The following ATRN variants were observed in gnomAD, a reference collection of about 807,000 sequenced individuals.
ATRN encodes the protein attractin.
ATRN carries 54 observed loss-of-function variants against 178.7 expected under a neutral mutation model. The ratio of observed to expected loss-of-function variants is 0.30; its 90% confidence interval spans 0.24 to 0.38. ATRN has a LOEUF of 0.38. Ranked by LOEUF, ATRN falls within the 10% of genes least tolerant of loss-of-function variation. The probability of loss-of-function intolerance (pLI) is 1.00; values close to 1 mark genes in which losing one functional copy is unlikely to be tolerated. For synonymous variants in ATRN, 636 were observed against 663.0 expected (o/e 0.96, Z 0.63); for missense variants, 1,443 against 1,815.1 (o/e 0.79, Z 3.73).
At chr20:3,472,733 A>G (rs1599986148) in intron 1 of ATRN, among the ~76,000 whole-genome samples, 1 of 152,206 alleles carries the variant, frequency 6.6e-6, no homozygotes, top group African/African-American at 2.4e-5. Context: ...GGCTAGCTGG[A>G]GGGATGCAAG....
chr20:3,629,861 A>G (rs2086976424), intron 25 of ATRN, among the ~76,000 whole-genome samples: 1 of 152,168 alleles, frequency 6.6e-6, no homozygotes, highest in Non-Finnish European at 1.5e-5. Flanking sequence ...CAGCTCTTTC[A>G]TGCCGTCTCT....
rs375290939 is a variant in ATRN, at chr20:3,577,035, A to T, written c.2353+38A>T. The stretch of plus-strand genomic sequence containing the variant: ...GGGTCATCTTGGTGTGTGTGGGTCC[A>T]TTACTTCAGCCTGCTTCCCCCAACA... On this transcript the variant is annotated intron_variant, in intron 14 of 28. Transcript: ENST00000262919. 8 of 1,606,884 alleles carry T rather than the reference A, an allele frequency of 5.0e-6. No individual in the cohort carries two copies. The African/African-American group carries it at 1.1e-4, about 21-fold the overall frequency.
At chr20:3,601,725 G>A (rs955649574) in intron 23 of ATRN, among the ~76,000 whole-genome samples, 31 of 146,504 alleles carry the variant, frequency 2.1e-4, no homozygotes, top group Admixed American at 2.1e-3. Flanking sequence ...AAACCCAGGT[G>A]TAGTGACTCA....
chr20:3,635,875 T>C (rs1316251731), intron 26 of ATRN, among the ~76,000 whole-genome samples: 1 of 152,230 alleles, frequency 6.6e-6, no homozygotes, highest in Non-Finnish European at 1.5e-5. Context: ...GTATTACTGA[T>C]ATACTTTAAA....
chr20:3,478,684 T>TA (rs759662680), intron 1 of ATRN, among the ~76,000 whole-genome samples: 14 of 152,122 alleles, frequency 9.2e-5, no homozygotes, highest in African/African-American at 2.4e-4. Context: ...TAAAGTGTAA[T>TA]AAAAAACAAA....
At chr20:3,502,154 A>G (rs1409492288) in intron 1 of ATRN, among the ~76,000 whole-genome samples, 6 of 152,322 alleles carry the variant, frequency 3.9e-5, no homozygotes, top group Admixed American at 2.6e-4. Context: ...AAATATTTAC[A>G]TAGTTATACA....
At chr20:3,568,820 C>T (rs1451387568) in intron 11 of ATRN, among the ~76,000 whole-genome samples, 1 of 152,182 alleles carries the variant, frequency 6.6e-6, no homozygotes, top group Non-Finnish European at 1.5e-5. Flanking sequence ...CTCAGTAAGG[C>T]TCGTCACAGC....
rs1325279006 is a variant in ATRN, at chr20:3,535,622, CACACAT to C, written c.494+288_494+293del. On this transcript the variant is annotated intron_variant, in intron 2 of 28. Transcript: ENST00000262919. ...ACACACACACACACACACACACACA[CACACAT>C]ATATATTTATTTATTTTTATGGGAC... is the stretch of plus-strand genomic sequence containing the variant. Among the ~76,000 whole-genome samples, 5 of 144,342 alleles carry C rather than the reference CACACAT, an allele frequency of 3.5e-5. No homozygotes were observed. In the East Asian group the frequency reaches 6.1e-4, roughly 18 times the overall value. The allele number at this position is 144,342 out of a possible 152,430, so 94.7% of individuals were successfully genotyped here.
intron 14 of ATRN, among the ~76,000 whole-genome samples, chr20:3,577,375 T>A (rs1441127252): frequency 6.6e-6 from 1 of 152,156 alleles, no homozygotes; most frequent in East Asian, 1.9e-4. Flanking sequence ...CACTGGGATT[T>A]AATTGTTGGC....
chr20:3,566,154 C>A (rs2086032836), intron 11 of ATRN, among the ~76,000 whole-genome samples: 1 of 152,072 alleles, frequency 6.6e-6, no homozygotes, highest in South Asian at 2.1e-4. Context: ...AGAGAGGGCA[C>A]TTCAGATGGG....
At chr20:3,475,350 T>C (rs2084510496) in intron 1 of ATRN, among the ~76,000 whole-genome samples, 1 of 152,208 alleles carries the variant, frequency 6.6e-6, no homozygotes, top group South Asian at 2.1e-4. Context: ...AGCATTTTCA[T>C]GTACATTGTA....
At chr20:3,642,840 G>T (rs1000644363) in intron 27 of ATRN, among the ~76,000 whole-genome samples, 1 of 152,210 alleles carries the variant, frequency 6.6e-6, no homozygotes, top group African/African-American at 2.4e-5. Context: ...TGAAACAAGG[G>T]AGTTGACTTT....
At chr20:3,528,758 T>A (rs2085409588) in intron 1 of ATRN, among the ~76,000 whole-genome samples, 1 of 152,120 alleles carries the variant, frequency 6.6e-6, no homozygotes, top group Non-Finnish European at 1.5e-5. Context: ...ACAAGCACAT[T>A]ACAAAATAAT....
chr20:3,522,557 G>A (rs781455909), intron 1 of ATRN, among the ~76,000 whole-genome samples: 14 of 152,178 alleles, frequency 9.2e-5, no homozygotes, highest in Admixed American at 4.6e-4. Flanking sequence ...CACACCACTC[G>A]AGCTCTGCTA....
At position 3,588,047 on chromosome 20, in the gene ATRN, A is replaced by C. The variant is rs1339599890; in HGVS notation, c.3185-3122A>C. Among the ~76,000 whole-genome samples the C allele has an allele frequency of 2.6e-5, 4 of 152,028 alleles. No individual in the cohort carries two copies. The East Asian group carries it at 7.7e-4, about 29-fold the overall frequency. ...ATTTTTTTAGAGACAGGGTTTCGCC[A>C]TGTTGCCCAGGCTGGTCTTGAACTC... is the stretch of plus-strand genomic sequence containing the variant. On this transcript the variant is annotated intron_variant, in intron 18 of 28. Coordinates refer to ENST00000262919, the MANE Select transcript of ATRN (RefSeq NM_139321.3).
chr20:3,630,317 C>T (rs1259100760), intron 25 of ATRN, among the ~76,000 whole-genome samples: 1 of 152,108 alleles, frequency 6.6e-6, no homozygotes, highest in African/African-American at 2.4e-5. Flanking sequence ...GTCGGTAGCC[C>T]AAGCTTCAGG....
rs933261076 is a variant in ATRN, at chr20:3,638,180, T to C, written c.3943-648T>C. 6.6e-6 allele frequency among the ~76,000 whole-genome samples: 1 copy of C among 152,228 alleles called. No individual in the cohort carries two copies. Among genetic ancestry groups the C allele is most frequent in the Non-Finnish European group, 1.5e-5 (1 of 68,038 alleles). ...GTACAGAACATGTAGATTTGTTACA[T>C]AGGTATACATGTGCCGTGGTGGTTT... On this transcript the variant is annotated intron_variant, in intron 26 of 28. Transcript: ENST00000262919. The surrounding 1 kb of genome is among the most constrained non-coding windows in gnomAD (Gnocchi z 4.5).
In ATRN at chr20:3,582,334, G is replaced by A. The variant is rs776907344; in HGVS notation, c.2744G>A (p.Gly915Asp). 6.2e-7 allele frequency: 1 copy of A among 1,612,250 alleles called. No homozygotes were observed. The highest frequency in any genetic ancestry group is 8.5e-7 in the Non-Finnish European group (1 of 1,179,996). The change falls in exon 16 of 29, where the codon GGT becomes GAT. Residue 915 changes from glycine (G) to aspartate (D), a missense_variant. By Grantham distance (94) the Gly-to-Asp change is moderately conservative. Transcript: ENST00000262919. Reference protein sequence around the residue: ...KAATCINPLNGSVCERPANHS... With the variant: ...KAATCINPLNDSVCERPANHS... The stretch of plus-strand genomic sequence containing the variant: ...GCAACCTGCATCAACCCACTCAATG[G>A]TAGTGTCTGTGAAAGGCCTGGTAAG...
intron 28 of ATRN, among the ~76,000 whole-genome samples, chr20:3,646,343 T>C (rs2422912): frequency 0.085 from 12,917 of 152,244 alleles, 664 homozygotes; most frequent in East Asian, 0.23. Flanking sequence ...TTAGCACACG[T>C]CTACAATCTC....
Sources: gnomAD v4.1 joint callset for allele counts (sites outside exome capture counted in the v4.1 genomes callset) on GRCh38, gnomAD v4.1.1 for gene constraint, Gnocchi (gnomAD v3.1) non-coding constraint, MANE v1.5 for transcripts, NCBI Gene and HGNC (gene_info 2026-07-23, HGNC 2026-07-21) for gene names.